Variants in SFT2D1 observed in about 807,000 individuals in gnomAD.
The protein encoded by SFT2D1 is vesicle transport protein SFT2A.
Under a neutral mutation model 28.1 loss-of-function variants are expected in SFT2D1, and 24 were observed. The ratio of observed to expected loss-of-function variants is 0.85; its 90% CI spans 0.62 to 1.20. SFT2D1 has a LOEUF of 1.20. Ranked by LOEUF, SFT2D1 falls within the 50% of genes most tolerant of loss-of-function variation. The pLI, the probability that SFT2D1 is intolerant of heterozygous loss-of-function variation, is 0.00. For synonymous variants in SFT2D1, 82 were observed against 73.7 expected, an observed-to-expected ratio of 1.11 and a Z score of -0.58; for missense variants, 181 against 190.9, an observed-to-expected ratio of 0.95 and a Z score of 0.31.
intron 4 of SFT2D1, among the ~76,000 whole-genome samples, chr6:166,327,942 T>A (rs1014180185): frequency 6.6e-6 from 1 of 151,946 alleles, no homozygotes; most frequent in East Asian, 1.9e-4. Context: ...GGATTACAGG[T>A]GCATGCCACC....
At chr6:166,336,294 A>G (rs1229983813) in intron 1 of SFT2D1, among the ~76,000 whole-genome samples, 1 of 152,222 alleles carries the variant, frequency 6.6e-6, no homozygotes, top group South Asian at 2.1e-4. Flanking sequence ...CCTGAAGTTC[A>G]CCACCAAAGG....
At chr6:166,336,057 G>A (rs959831764) in intron 1 of SFT2D1, among the ~76,000 whole-genome samples, 37 of 152,346 alleles carry the variant, frequency 2.4e-4, no homozygotes, top group Non-Finnish European at 5.0e-4. Flanking sequence ...ATTGCTAAAT[G>A]TAATAGTCTG....
At chr6:166,336,253 G>A (rs898254043) in intron 1 of SFT2D1, among the ~76,000 whole-genome samples, 5 of 152,120 alleles carry the variant, frequency 3.3e-5, no homozygotes, top group African/African-American at 9.7e-5. Context: ...CAGTGAGCTC[G>A]GTGTAGCTGA....
chr6:166,337,723 C>T (rs1239773673), intron 1 of SFT2D1, among the ~76,000 whole-genome samples: 3 of 152,154 alleles, frequency 2.0e-5, no homozygotes, highest in Admixed American at 6.5e-5. Flanking sequence ...ATCTTCCACG[C>T]GGTGATCTTT....
At chr6:166,341,892 T>C (rs898432217) in intron 1 of SFT2D1, among the ~76,000 whole-genome samples, 3 of 151,960 alleles carry the variant, frequency 2.0e-5, no homozygotes, top group Non-Finnish European at 4.4e-5. Context: ...AATTCAATAT[T>C]ATTTCACTTA....
intron 1 of SFT2D1, chr6:166,335,184 TG>T: frequency 3.2e-6 from 2 of 621,674 alleles, no homozygotes; most frequent in Non-Finnish European, 6.0e-6. Flanking sequence ...ACTTTGGTGG[TG>T]GTTGTGGAGG....
At chr6:166,324,626 G>T in intron 5 of SFT2D1, 31 bp from the exon 6 acceptor site, 1 of 1,588,478 alleles carries the variant, frequency 6.3e-7, no homozygotes, top group Non-Finnish European at 8.6e-7. Flanking sequence ...GCAATTATGA[G>T]TTTCAAAGTT....
At chr6:166,325,436 G>A (rs543424131) in intron 5 of SFT2D1, among the ~76,000 whole-genome samples, 24 of 152,332 alleles carry the variant, frequency 1.6e-4, no homozygotes, top group African/African-American at 5.5e-4. Context: ...AGGAGATCAA[G>A]AAGTAAACGG....
At position 166,326,014 on chromosome 6, in the gene SFT2D1, A is replaced by G. The variant is rs571181589; in HGVS notation, c.351+118T>C. ...ACATGTCAAATTTTAGGAACACCTA[A>G]TCTTTAGAGAGTTTTAAAAAAACAG... On this transcript the variant is annotated intron_variant, in intron 5 of 7. Coordinates refer to ENST00000361731, the MANE Select transcript of SFT2D1 (RefSeq NM_145169.3). 42 of 1,015,204 alleles carry G rather than the reference A, an allele frequency of 4.1e-5. No homozygotes were observed. The African/African-American group carries it at 6.3e-4, about 15-fold the overall frequency. 62.9% of individuals were successfully genotyped at this position (1,015,204 alleles called of 1,614,324 possible).
intron 5 of SFT2D1, 90 bp downstream of exon 5, chr6:166,326,042 G>A: frequency 8.3e-7 from 1 of 1,205,992 alleles, no homozygotes; most frequent in Non-Finnish European, 1.2e-6. Context: ...AAAAACAGAT[G>A]AGCTATTTTA....
At chr6:166,322,668 C>G (rs1458474547) in intron 7 of SFT2D1, among the ~76,000 whole-genome samples, 189 bp downstream of exon 7, 1 of 124,148 alleles carries the variant, frequency 8.1e-6, no homozygotes, top group Non-Finnish European at 1.6e-5. Context: ...TCCAGCCTGG[C>G]GACACAGTGA....
chr6:166,320,973 C>T (rs1370920712), intron 7 of SFT2D1, among the ~76,000 whole-genome samples: 1 of 152,080 alleles, frequency 6.6e-6, no homozygotes, highest in Middle Eastern at 3.2e-3. Flanking sequence ...GGCGTGGCAG[C>T]GGCAGCACGT....
intron 1 of SFT2D1, chr6:166,335,539 T>C (rs1205585722): frequency 1.8e-5 from 8 of 444,336 alleles, no homozygotes; most frequent in African/African-American, 4.1e-5. Context: ...GCCATGGCAC[T>C]GGCAGAAGAT....
chr6:166,322,689 C>CAAAAAAA (rs1159615099), intron 7 of SFT2D1, among the ~76,000 whole-genome samples, 168 bp downstream of exon 7: 1 of 54,698 alleles, frequency 1.8e-5, no homozygotes, highest in Non-Finnish European at 3.8e-5. Flanking sequence ...GACTCTGTCT[C>CAAAAAAA]AAAAAAAAAA....
intron 4 of SFT2D1, among the ~76,000 whole-genome samples, chr6:166,327,982 G>C (rs1778481568): frequency 6.6e-6 from 1 of 151,946 alleles, no homozygotes; most frequent in African/African-American, 2.4e-5. Context: ...ATTTTTAGTA[G>C]AGACGGGGTT....
At chr6:166,326,759 T>C (rs1189953150) in intron 4 of SFT2D1, among the ~76,000 whole-genome samples, 1 of 152,254 alleles carries the variant, frequency 6.6e-6, no homozygotes, top group Non-Finnish European at 1.5e-5. Context: ...GTGCTCCACC[T>C]TGGGAGACGT....
In SFT2D1 at chr6:166,324,592, G is replaced by A. The variant is rs1347954820; in HGVS notation, c.355C>T (p.His119Tyr). The change falls in exon 6 of 8, where the codon CAT becomes TAT. Residue 119 changes from histidine (H) to tyrosine (Y), a missense_variant. Coordinates refer to ENST00000361731, the MANE Select transcript of SFT2D1 (RefSeq NM_145169.3). ...AATAACACAGCCAGTCCCTTCTTAT[G>A]CCACTAACAACAGCAAAAACAGAGC... ...IFTLCAALWW[H>Y]KKGLAVLFCI... The A allele has an allele frequency of 1.9e-6, 3 of 1,612,324 alleles. No individual in the cohort carries two copies. The Admixed American group carries it at 5.1e-5, about 27-fold the overall frequency.
intron 1 of SFT2D1, among the ~76,000 whole-genome samples, chr6:166,333,440 G>C (rs1410101061): frequency 6.6e-6 from 1 of 152,130 alleles, no homozygotes; most frequent in Non-Finnish European, 1.5e-5. Context: ...CAAAATTCCG[G>C]CTGCCGCTCT....
chr6:166,339,755 C>T (rs1778738240), intron 1 of SFT2D1, among the ~76,000 whole-genome samples: 1 of 152,210 alleles, frequency 6.6e-6, no homozygotes, highest in South Asian at 2.1e-4. Flanking sequence ...CCTCCTCCTT[C>T]TCTCGCCACG....
Sources: allele counts gnomAD v4.1 joint callset (sites outside exome capture counted in the v4.1 genomes callset), GRCh38; gene constraint gnomAD v4.1.1; transcripts MANE v1.5; gene names NCBI Gene and HGNC (gene_info 2026-07-23, HGNC 2026-07-21).